NCOA1: variants seen among roughly 807,000 people sequenced by gnomAD.
The protein encoded by NCOA1 is Hin-2 protein.
Under a neutral mutation model 150.9 loss-of-function variants are expected in NCOA1, and 35 were observed. The ratio of observed to expected loss-of-function variants is 0.23; its 90% CI spans 0.18 to 0.31. NCOA1 has a LOEUF of 0.31. Among genes scored for constraint, NCOA1 ranks in the 10% least tolerant of loss-of-function variants. NCOA1 has a pLI of 1.00. For missense variants in NCOA1, 1,491 were observed against 1,749.3 expected (o/e 0.85, Z 2.63); for synonymous variants, 590 against 630.0 (o/e 0.94, Z 0.95).
At chr2:24,765,896 C>CTTT (rs773857143) in intron 22 of NCOA1, among the ~76,000 whole-genome samples, 2 of 128,050 alleles carry the variant, frequency 1.6e-5, no homozygotes, top group African/African-American at 2.9e-5. Context: ...CAATAATACA[C>CTTT]TTTTTTTTTT....
intron 4 of NCOA1, among the ~76,000 whole-genome samples, chr2:24,654,133 A>G (rs12613645): frequency 0.041 from 6,314 of 152,264 alleles, 163 homozygotes; most frequent in East Asian, 0.13. Flanking sequence ...CAGTAATACA[A>G]TGGACTGATT....
rs568950803 is a variant in NCOA1 at position 24,671,492 on chromosome 2, T to A, written c.257-1874T>A. On this transcript the variant is annotated intron_variant, in intron 6 of 22. Transcript: ENST00000348332. The stretch of plus-strand genomic sequence containing the variant: ...GGCAACATAGCAAGATCCCTGTCTC[T>A]TAAAATAAAATAAAACAAGCAAAAT... 6.6e-5 allele frequency among the ~76,000 whole-genome samples: 10 copies of A among 152,264 alleles called. No homozygotes were observed. In the East Asian group the frequency reaches 1.9e-3, roughly 29 times the overall value.
At chr2:24,708,386 A>G (rs1673568742) in intron 13 of NCOA1, among the ~76,000 whole-genome samples, 1 of 152,152 alleles carries the variant, frequency 6.6e-6, no homozygotes, top group African/African-American at 2.4e-5. Flanking sequence ...ACCCTCAGCA[A>G]TCAGAGAATA....
chr2:24,654,896 C>T (rs1228720282), intron 4 of NCOA1, among the ~76,000 whole-genome samples: 1 of 152,098 alleles, frequency 6.6e-6, no homozygotes, highest in African/African-American at 2.4e-5. Context: ...TCTCCCTTAC[C>T]CCCTTCTTAC....
At chr2:24,649,589 A>G (rs142505177) in intron 4 of NCOA1, among the ~76,000 whole-genome samples, 234 of 152,310 alleles carry the variant, frequency 1.5e-3, no homozygotes, top group Middle Eastern at 6.8e-3. Context: ...ATACAATGCT[A>G]TTTTCCCTCA....
At chr2:24,640,466 G>A (rs187948831) in intron 3 of NCOA1, among the ~76,000 whole-genome samples, 1 of 152,144 alleles carries the variant, frequency 6.6e-6, no homozygotes, top group Admixed American at 6.5e-5. Context: ...TCTCTTTTAA[G>A]TTCTGTTTAT....
At chr2:24,751,938 A>T (rs1664263210) in intron 19 of NCOA1, 44 bp from the exon 20 acceptor site, 1 of 1,533,732 alleles carries the variant, frequency 6.5e-7, no homozygotes, top group Non-Finnish European at 8.8e-7. Context: ...GGGGTTAATA[A>T]ATTTATAGTG....
intron 14 of NCOA1, 98 bp downstream of exon 14, chr2:24,711,209 G>A: frequency 1.7e-6 from 2 of 1,199,030 alleles, no homozygotes; most frequent in Non-Finnish European, 2.3e-6. Flanking sequence ...TTGCTTAAGA[G>A]TGAAATATCT....
chr2:24,635,894 A>G (rs1669919737), intron 3 of NCOA1, among the ~76,000 whole-genome samples: 1 of 152,246 alleles, frequency 6.6e-6, no homozygotes, highest in African/African-American at 2.4e-5. Context: ...AATTGAAAAT[A>G]TAAAAAGCAT....
chr2:24,658,793 T>C, intron 5 of NCOA1, 27 bp downstream of exon 5: 1 of 1,601,752 alleles, frequency 6.2e-7, no homozygotes, highest in Non-Finnish European at 8.6e-7. Flanking sequence ...TAGTCTATTT[T>C]TGGCAGAGCT....
intron 5 of NCOA1, chr2:24,659,080 TG>T (rs1296130287): frequency 4.1e-6 from 1 of 244,984 alleles, no homozygotes; most frequent in East Asian, 8.0e-5. Context: ...CTGTCTCAGA[TG>T]TTTTTATAGC....
chr2:24,643,033 CA>C (rs1345325412), intron 3 of NCOA1, among the ~76,000 whole-genome samples: 1 of 152,154 alleles, frequency 6.6e-6, no homozygotes, highest in African/African-American at 2.4e-5. Flanking sequence ...CAGTGAATCT[CA>C]ATTGTGGTGT....
intron 2 of NCOA1, among the ~76,000 whole-genome samples, chr2:24,569,869 G>GA (rs1304456502): frequency 1.4e-3 from 162 of 118,136 alleles, no homozygotes; most frequent in African/African-American, 2.6e-3. Flanking sequence ...TACTCCGTCT[G>GA]AAAAAAAAAA....
chr2:24,495,957 G>A (rs987785326), intron 1 of NCOA1, among the ~76,000 whole-genome samples: 1 of 152,090 alleles, frequency 6.6e-6, no homozygotes. Flanking sequence ...CCAAATTCTC[G>A]CATTCTTTTC....
At chr2:24,526,249 C>A (rs1266045570) in intron 1 of NCOA1, among the ~76,000 whole-genome samples, 1 of 151,750 alleles carries the variant, frequency 6.6e-6, no homozygotes, top group Non-Finnish European at 1.5e-5. Flanking sequence ...TACAGTGATC[C>A]AAGTTTGCAG....
At chr2:24,603,015 A>G (rs748898177) in intron 3 of NCOA1, among the ~76,000 whole-genome samples, 10 of 152,368 alleles carry the variant, frequency 6.6e-5, no homozygotes, top group Non-Finnish European at 8.8e-5. Flanking sequence ...TTTTTAAAAA[A>G]GATAAGACGT....
intron 19 of NCOA1, among the ~76,000 whole-genome samples, chr2:24,742,417 G>T (rs1224475533): frequency 6.6e-6 from 1 of 151,930 alleles, no homozygotes; most frequent in Non-Finnish European, 1.5e-5. Context: ...GATCTGTAAG[G>T]ACCTTTTGAG....
intron 10 of NCOA1, among the ~76,000 whole-genome samples, chr2:24,695,580 T>C (rs1431988444): frequency 1.3e-5 from 2 of 152,214 alleles, no homozygotes; most frequent in South Asian, 2.1e-4. Context: ...AGAATAAGTA[T>C]AATAAATGTT....
rs780480264 is a variant in NCOA1 at position 24,741,845 on chromosome 2, G to A, written c.3365G>A (p.Arg1122Gln). 28 of 1,614,070 alleles carry A rather than the reference G, an allele frequency of 1.7e-5. No individual in the cohort carries two copies. Among genetic ancestry groups the A allele is most frequent in the Non-Finnish European group, 2.3e-5 (27 of 1,180,038 alleles). Residue 1122 changes from arginine (R) to glutamine (Q), a missense_variant, in exon 19 of 23, where the codon CGA becomes CAA. This residue lies in a region of NCOA1 where 485 missense variants were observed against 522.8 expected (regional missense o/e 0.93). Transcript: ENST00000348332. ...CGGGAACTGTACAGTCAACAGCACC[G>A]ACAGAGGCAGCTAATACAGCAGCAA... is the stretch of plus-strand genomic sequence containing the variant. ...RQRELYSQQH[R>Q]QRQLIQQQRA...
Sources: allele counts gnomAD v4.1 joint callset (sites outside exome capture counted in the v4.1 genomes callset), GRCh38; gene constraint gnomAD v4.1.1; regional missense constraint gnomAD v4.1.1; transcripts MANE v1.5; gene names NCBI Gene and HGNC (gene_info 2026-07-23, HGNC 2026-07-21).